The following RSU1 variants were observed in gnomAD, a reference collection of about 807,000 sequenced individuals.
The protein encoded by RSU1 is rsu-1.
A neutral mutation model predicts 31.1 loss-of-function variants in RSU1; 26 were observed. The ratio of observed to expected loss-of-function variants is 0.84; its 90% confidence interval spans 0.61 to 1.16. RSU1 has a LOEUF of 1.16. Ranked by LOEUF, RSU1 falls within the 50% of genes most tolerant of loss-of-function variation. The pLI is 0.00. For missense variants in RSU1, 320 were observed against 339.1 expected (o/e 0.94, Z 0.44); for synonymous variants, 164 against 136.3 (o/e 1.20, Z -1.41).
rs1334818601 is a variant in RSU1, at chr10:16,593,415, G to C, written c.813C>G (p.Pro271=). ...TTCCTTATCTGTTCTTGGCTGCCAG[G>C]GGTTTCCGGCTGATCTTTTTCGATT... is the stretch of plus-strand genomic sequence containing the variant. ...NDKSKKISRK[P]LAAKNR is the part of the protein sequence containing the mutation. Residue 271 remains proline, a synonymous_variant, in exon 9 of 9, where the codon CCC becomes CCG. Coordinates refer to ENST00000345264, the MANE Select transcript of RSU1 (RefSeq NM_012425.4). 1 of 1,614,110 alleles carries C rather than the reference G, an allele frequency of 6.2e-7. No homozygotes were observed. Among genetic ancestry groups the C allele is most frequent in the East Asian group, 2.2e-5 (1 of 44,876 alleles).
At chr10:16,671,874 C>T (rs554069690) in intron 8 of RSU1, among the ~76,000 whole-genome samples, 3 of 151,682 alleles carry the variant, frequency 2.0e-5, no homozygotes, top group Non-Finnish European at 4.4e-5. Context: ...GATCGACCCC[C>T]CTCGGCCTCC....
At chr10:16,607,010 C>G (rs1336846271) in intron 8 of RSU1, among the ~76,000 whole-genome samples, 1 of 152,148 alleles carries the variant, frequency 6.6e-6, no homozygotes. Flanking sequence ...TGTGTTCCCA[C>G]CAAATCTCAT....
At chr10:16,773,942 A>G (rs1373150233) in intron 3 of RSU1, among the ~76,000 whole-genome samples, 1 of 152,168 alleles carries the variant, frequency 6.6e-6, no homozygotes, top group African/African-American at 2.4e-5. Flanking sequence ...AAGCTAAAGA[A>G]CCAGCAAAAA....
chr10:16,723,526 A>G (rs1836324741), intron 7 of RSU1, among the ~76,000 whole-genome samples: 1 of 152,158 alleles, frequency 6.6e-6, no homozygotes, highest in African/African-American at 2.4e-5. Context: ...GATGAATGAG[A>G]TTAAGCTCAT....
At chr10:16,761,631 TG>T (rs1438535811) in intron 4 of RSU1, among the ~76,000 whole-genome samples, 1 of 151,608 alleles carries the variant, frequency 6.6e-6, no homozygotes, top group Non-Finnish European at 1.5e-5. Context: ...CCGAGGCGGG[TG>T]GATCATGAGG....
chr10:16,712,703 T>G (rs949967171), intron 7 of RSU1, among the ~76,000 whole-genome samples: 2 of 152,204 alleles, frequency 1.3e-5, no homozygotes, highest in African/African-American at 4.8e-5. Flanking sequence ...TTTGACCTTT[T>G]TGACTTCTAA....
At chr10:16,739,222 T>C (rs1174849806) in intron 7 of RSU1, among the ~76,000 whole-genome samples, 1 of 152,188 alleles carries the variant, frequency 6.6e-6, no homozygotes, top group Non-Finnish European at 1.5e-5. Context: ...TTTGGGTATA[T>C]ACCCAGTAAT....
chr10:16,772,559 T>C (rs1401859082), intron 3 of RSU1, among the ~76,000 whole-genome samples: 1 of 138,698 alleles, frequency 7.2e-6, no homozygotes, highest in Non-Finnish European at 1.5e-5. Flanking sequence ...GGAAGTGACA[T>C]CCAGCGAAGG....
intron 7 of RSU1, among the ~76,000 whole-genome samples, chr10:16,736,816 G>GAAAT (rs1836637698): frequency 6.6e-6 from 1 of 151,876 alleles, no homozygotes; most frequent in Non-Finnish European, 1.5e-5. Context: ...ACATAATAAG[G>GAAAT]AAATAAATAG....
chr10:16,792,191 G>A (rs567483779), intron 2 of RSU1, among the ~76,000 whole-genome samples: 8 of 152,230 alleles, frequency 5.3e-5, no homozygotes, highest in South Asian at 2.1e-4. Context: ...TGTGCATTCC[G>A]AATGAAAGCC....
intron 2 of RSU1, among the ~76,000 whole-genome samples, chr10:16,811,076 A>ACG (rs1838398944): frequency 2.0e-5 from 3 of 152,322 alleles, no homozygotes; most frequent in Middle Eastern, 3.4e-3. Context: ...ACGAGATAAC[A>ACG]ATAATGTACT....
chr10:16,669,896 C>A (rs1209157823), intron 8 of RSU1, among the ~76,000 whole-genome samples: 1 of 152,182 alleles, frequency 6.6e-6, no homozygotes, highest in East Asian at 1.9e-4. Flanking sequence ...TTTATTCATA[C>A]TTACATGCCC....
At chr10:16,792,351 G>A (rs1564360034) in intron 2 of RSU1, among the ~76,000 whole-genome samples, 1 of 152,110 alleles carries the variant, frequency 6.6e-6, no homozygotes, top group Non-Finnish European at 1.5e-5. Context: ...TCCTGCCTCG[G>A]CCTCCCGAGT....
chr10:16,683,307 T>C (rs1470697395), intron 8 of RSU1, among the ~76,000 whole-genome samples: 1 of 152,114 alleles, frequency 6.6e-6, no homozygotes, highest in Non-Finnish European at 1.5e-5. Flanking sequence ...AGGAACAAAT[T>C]CATAAACAAC....
chr10:16,723,071 TA>T (rs1019437529), intron 7 of RSU1: 1 of 150,930 alleles, frequency 6.6e-6, no homozygotes, highest in Non-Finnish European at 1.5e-5. Context: ...TATCATGTGA[TA>T]TATATATATA....
rs148877907 is a variant in RSU1, at chr10:16,792,437, C to G, written c.110-10353G>C. Among the ~76,000 whole-genome samples, 1,108 of 152,202 alleles carry G rather than the reference C, an allele frequency of 7.3e-3. 16 individuals are homozygous for G. The highest frequency in any genetic ancestry group is 0.023 in the African/African-American group (965 of 41,532). On this transcript the variant is annotated intron_variant, in intron 2 of 8. Transcript: ENST00000345264. ...TAATAGAGACGGGGTTTCATTACGT[C>G]GGCCAAGCTGGTCTCGAACTCCCGA...
intron 3 of RSU1, among the ~76,000 whole-genome samples, chr10:16,772,877 C>T (rs71493269): frequency 0.2 from 30,822 of 151,958 alleles, 3,345 homozygotes; most frequent in African/African-American, 0.29. Context: ...AGAAAAAGCA[C>T]GTTTTGTCAT....
intron 7 of RSU1, among the ~76,000 whole-genome samples, chr10:16,732,615 T>C (rs1174223286): frequency 6.6e-6 from 1 of 152,238 alleles, no homozygotes; most frequent in Non-Finnish European, 1.5e-5. Flanking sequence ...GTCTATGGTA[T>C]TTTTGTTATA....
At chr10:16,613,323 G>A (rs1039162317) in intron 8 of RSU1, among the ~76,000 whole-genome samples, 1 of 152,166 alleles carries the variant, frequency 6.6e-6, no homozygotes, top group Admixed American at 6.5e-5. Context: ...TTGTAAGCAG[G>A]CTGTGAGTCT....
Sources: allele counts gnomAD v4.1 joint callset (sites outside exome capture counted in the v4.1 genomes callset), GRCh38; gene constraint gnomAD v4.1.1; transcripts MANE v1.5; gene names NCBI Gene and HGNC (gene_info 2026-07-23, HGNC 2026-07-21).